SYT4: variants seen among roughly 807,000 people sequenced by gnomAD.
The protein encoded by SYT4 is synaptotagmin-4.
In SYT4, 7 loss-of-function variants were observed where a neutral mutation model predicts 32.9. The observed-to-expected ratio is 0.21, with a 90% CI of 0.12 to 0.40. SYT4 has a LOEUF of 0.40. Ranked by LOEUF, SYT4 falls within the 10% of genes least tolerant of loss-of-function variation. The pLI is 1.00. For synonymous variants in SYT4, 205 were observed against 186.2 expected (o/e 1.10, Z -0.82); for missense variants, 480 against 488.0 (o/e 0.98, Z 0.16).
intron 1 of SYT4, among the ~76,000 whole-genome samples, chr18:43,275,976 T>C (rs1161914807): frequency 6.6e-6 from 1 of 152,206 alleles, no homozygotes; most frequent in Non-Finnish European, 1.5e-5. Context: ...GAGAGTTCTT[T>C]AGCCAATGTA....
In SYT4 at chr18:43,274,016, C is replaced by T. The variant is rs1392148619; in HGVS notation, c.413G>A (p.Ser138Asn). 1.9e-6 allele frequency: 3 copies of T among 1,613,930 alleles called. No individual in the cohort carries two copies. Among genetic ancestry groups the T allele is most frequent in the Middle Eastern group, 1.6e-4 (1 of 6,062 alleles). ...AGTAAGGGAAGTGCTGGACTTTAAA[C>T]TCTCAGGGGAAACTGACTCTTTTTC... The part of the protein sequence containing the change: ...EGEKESVSPE[S>N]LKSSTSLTSE... The change falls in exon 2 of 4, where the codon AGT becomes AAT. Residue 138 changes from serine to asparagine, a missense_variant. Transcript: ENST00000255224.
At chr18:43,272,848 A>C (rs1280477490) in intron 2 of SYT4, among the ~76,000 whole-genome samples, 1 of 152,210 alleles carries the variant, frequency 6.6e-6, no homozygotes, top group Non-Finnish European at 1.5e-5. Flanking sequence ...GCTCTGAAAC[A>C]CTATGTTGTT....
At chr18:43,271,078 A>G (rs1908616134) in intron 3 of SYT4, among the ~76,000 whole-genome samples, 1 of 152,120 alleles carries the variant, frequency 6.6e-6, no homozygotes, top group South Asian at 2.1e-4. Flanking sequence ...TTTTCCATCG[A>G]ATGAGGATTT....
chr18:43,274,457 G>T, intron 1 of SYT4, 63 bp from the exon 2 acceptor site: 1 of 1,355,406 alleles, frequency 7.4e-7, no homozygotes, highest in Non-Finnish European at 9.9e-7. Flanking sequence ...TGAGCCTTTT[G>T]AAAAGCCTAA....
chr18:43,274,905 T>G (rs1017865133), intron 1 of SYT4, among the ~76,000 whole-genome samples: 1 of 152,120 alleles, frequency 6.6e-6, no homozygotes, highest in African/African-American at 2.4e-5. Context: ...TATTTGCCAT[T>G]GCCACAAACT....
At chr18:43,275,536 G>T (rs1010955381) in intron 1 of SYT4, among the ~76,000 whole-genome samples, 21 of 152,006 alleles carry the variant, frequency 1.4e-4, no homozygotes, top group Admixed American at 1.2e-3. Context: ...ATAAGTTCCA[G>T]CCCAGAAAGG....
rs1248500128 is a variant in SYT4 at position 43,268,333 on chromosome 18, T to C, written c.*2008A>G. ...TTTTCACACTCAAAAACACTTTAAATTTTAAAAGCTAAAAACTATTTACAA... is the reference window on the plus strand; with the variant it reads ...TTTTCACACTCAAAAACACTTTAAACTTTAAAAGCTAAAAACTATTTACAA... On this transcript the variant is annotated 3_prime_UTR_variant, in exon 4 of 4. Transcript: ENST00000255224. The C allele has an allele frequency of 5.2e-5, 8 of 152,384 alleles. No individual in the cohort carries two copies. The highest frequency in any genetic ancestry group is 2.9e-5 in the Non-Finnish European group (2 of 68,032). 9.4% of individuals were successfully genotyped at this position (152,384 alleles called of 1,614,324 possible).
rs556418918 is a variant in SYT4 at position 43,269,389 on chromosome 18, A to G, written c.*952T>C. 15 of 152,344 alleles carry G rather than the reference A, an allele frequency of 9.8e-5. No individual in the cohort carries two copies. Among genetic ancestry groups the G allele is most frequent in the African/African-American group, 3.6e-4 (15 of 41,588 alleles). 9.4% of individuals were successfully genotyped at this position (152,344 alleles called of 1,614,324 possible). ...CTTAATCTTTTCTGGGGGACAATAAATTAAATGAAGACTTAGGTGGCCATG... is the reference window on the plus strand; with the variant it reads ...CTTAATCTTTTCTGGGGGACAATAAGTTAAATGAAGACTTAGGTGGCCATG... On this transcript the variant is annotated 3_prime_UTR_variant, in exon 4 of 4. Coordinates refer to ENST00000255224, the MANE Select transcript of SYT4 (RefSeq NM_020783.4).
chr18:43,273,034 G>A (rs816752), intron 2 of SYT4, among the ~76,000 whole-genome samples: 129,866 of 152,020 alleles, frequency 0.85, 56,865 homozygotes, highest in Non-Finnish European at 0.95. Flanking sequence ...CCAGAGTAGT[G>A]TAACTACAAA....
Position 43,273,904 on chromosome 18 carries a change from C to T in SYT4, c.525G>A (p.Lys175=). 1 of 1,614,030 alleles carries T rather than the reference C, an allele frequency of 6.2e-7. No homozygotes were observed. Among genetic ancestry groups the T allele is most frequent in the South Asian group, 1.1e-5 (1 of 91,080 alleles). Residue 175 remains lysine (K), a synonymous_variant, in exon 2 of 4, where the codon AAG becomes AAA. Transcript: ENST00000255224. Reference sequence around the variant, plus strand: ...CCATGGCTGGCAAGCCACGGGCTTCCTTGATATTGACCACAAATGCTTTTC... The same window carrying T: ...CCATGGCTGGCAAGCCACGGGCTTCTTTGATATTGACCACAAATGCTTTTC... ...FERKAFVVNI[K]EARGLPAMDE...
Position 43,270,335 on chromosome 18 carries a change from A to C in SYT4, c.*6T>G. ...AACCTTTAAGTTCCAACTCACGGCT[A>C]GGATGCTAACCATCACAGAGCACGT... On this transcript the variant is annotated 3_prime_UTR_variant, in exon 4 of 4. Transcript: ENST00000255224. The C allele has an allele frequency of 6.2e-7, 1 of 1,610,392 alleles. No individual in the cohort carries two copies. Among genetic ancestry groups the C allele is most frequent in the Middle Eastern group, 1.7e-4 (1 of 5,968 alleles).
In SYT4 at chr18:43,273,899, G is replaced by A; in HGVS notation, c.530C>T (p.Ala177Val). 6.2e-7 allele frequency: 1 copy of A among 1,614,018 alleles called. No individual in the cohort carries two copies. Among genetic ancestry groups the A allele is most frequent in the Non-Finnish European group, 8.5e-7 (1 of 1,179,958 alleles). Residue 177 changes from alanine to valine, a missense_variant, in exon 2 of 4, where the codon GCC (alanine) becomes GTC (valine). Physicochemically the swap from Ala to Val is moderately conservative, Grantham distance 64 (BLOSUM62 0). Coordinates refer to ENST00000255224, the MANE Select transcript of SYT4 (RefSeq NM_020783.4). ...CTCATCCATGGCTGGCAAGCCACGG[G>A]CTTCCTTGATATTGACCACAAATGC... Reference protein sequence around the residue: ...RKAFVVNIKEARGLPAMDEQS... With the variant: ...RKAFVVNIKEVRGLPAMDEQS...
rs1369680948 is a variant in SYT4, at chr18:43,273,930, T to C, written c.499A>G (p.Arg167Gly). ...TTGATATTGACCACAAATGCTTTTC[T>C]CTCGAAGTTGTATTCTAAGGAGAAG... ...LFFSLEYNFERKAFVVNIKEA... is the reference protein window; with the variant it reads ...LFFSLEYNFEGKAFVVNIKEA... Residue 167 changes from arginine (R) to glycine (G), a missense_variant, in exon 2 of 4, where the codon AGA (arginine) becomes GGA (glycine). Physicochemically the swap from Arg to Gly is moderately radical, Grantham distance 125. Transcript: ENST00000255224. 1 of 1,613,950 alleles carries C rather than the reference T, an allele frequency of 6.2e-7. No homozygotes were observed. The highest frequency in any genetic ancestry group is 8.5e-7 in the Non-Finnish European group (1 of 1,179,960).
chr18:43,271,669 T>A lies in SYT4; in HGVS notation c.970+43A>T, dbSNP rs375455700. On this transcript the variant is annotated intron_variant, in intron 3 of 3. Transcript: ENST00000255224. ...TGGGCTCATTTGCAGTCAAATACAT[T>A]CCAATCATACAGTGAATCTGAATAT... 3 of 1,608,670 alleles carry A rather than the reference T, an allele frequency of 1.9e-6. No individual in the cohort carries two copies. In the African/African-American group the frequency reaches 4.0e-5, roughly 22 times the overall value.
rs749693468 is a variant in SYT4 at position 43,273,937 on chromosome 18, G to A, written c.492C>T (p.Asn164=). 8 of 1,613,918 alleles carry A rather than the reference G, an allele frequency of 5.0e-6. No individual in the cohort carries two copies. The highest frequency in any genetic ancestry group is 5.9e-6 in the Non-Finnish European group (7 of 1,179,956). Residue 164 remains asparagine, a synonymous_variant, in exon 2 of 4, where the codon AAC becomes AAT. Coordinates refer to ENST00000255224, the MANE Select transcript of SYT4 (RefSeq NM_020783.4). ...TGACCACAAATGCTTTTCTCTCGAAGTTGTATTCTAAGGAGAAGAAGAGAG... is the reference window on the plus strand; with the variant it reads ...TGACCACAAATGCTTTTCTCTCGAAATTGTATTCTAAGGAGAAGAAGAGAG... The part of the protein sequence containing the change: ...LGTLFFSLEY[N]FERKAFVVNI...
At position 43,276,023 on chromosome 18, in the gene SYT4, G is replaced by C. The variant is rs1189115011; in HGVS notation, c.34+1225C>G. On this transcript the variant is annotated intron_variant, in intron 1 of 3. Coordinates refer to ENST00000255224, the MANE Select transcript of SYT4 (RefSeq NM_020783.4). ...AACAGTAGAAAATCATTTTTTAAAA[G>C]TAGACTGATAGTCCATGCTAGAACA... Among the ~76,000 whole-genome samples, 3 of 152,106 alleles carry C rather than the reference G, an allele frequency of 2.0e-5. 1 individual carries two copies. The highest frequency in any genetic ancestry group is 2.0e-4 in the Admixed American group (3 of 15,266).
intron 2 of SYT4, among the ~76,000 whole-genome samples, chr18:43,272,853 G>A (rs78168508): frequency 0.014 from 2,168 of 152,184 alleles, 45 homozygotes; most frequent in African/African-American, 0.044. Context: ...GAAACACTAT[G>A]TTGTTTAAAA....
rs1568122021 is a variant in SYT4, at chr18:43,277,439, C to A, written c.-158G>T. 2.7e-6 allele frequency: 2 copies of A among 743,740 alleles called. No individual in the cohort carries two copies. The highest frequency in any genetic ancestry group is 2.7e-5 in the East Asian group (1 of 36,936). The allele number at this position is 743,740 out of a possible 1,614,324, so 46.1% of individuals were successfully genotyped here. A position where few individuals can be genotyped will look rare whatever the true frequency, so the allele number is the denominator to read the frequency against. ...CAGGGAGGAGGCAAAGAGGGAGGTC[C>A]ACTCGCCCTCGCACAGTGATTTGCC... On this transcript the variant is annotated 5_prime_UTR_variant, in exon 1 of 4. Coordinates refer to ENST00000255224, the MANE Select transcript of SYT4 (RefSeq NM_020783.4).
intron 2 of SYT4, 169 bp from the exon 3 acceptor site, chr18:43,272,001 T>G (rs939613441): frequency 4.7e-6 from 3 of 636,790 alleles, no homozygotes; most frequent in African/African-American, 3.8e-5. Flanking sequence ...GTACCATCGC[T>G]GCTTGAAAAA....
Sources: allele counts gnomAD v4.1 joint callset (sites outside exome capture counted in the v4.1 genomes callset), GRCh38; gene constraint gnomAD v4.1.1; transcripts MANE v1.5; gene names NCBI Gene and HGNC (gene_info 2026-07-23, HGNC 2026-07-21).